The following CTNNA2 variants were observed in gnomAD, a reference collection of about 807,000 sequenced individuals.
CTNNA2 encodes the protein catenin alpha-2.
In CTNNA2, 42 loss-of-function variants were observed where a neutral mutation model predicts 101.0. The ratio of observed to expected loss-of-function variants is 0.42; its 90% confidence interval spans 0.32 to 0.54. The LOEUF (loss-of-function observed/expected upper bound fraction) is 0.54. Among genes scored for constraint, CTNNA2 ranks in the 20% least tolerant of loss-of-function variants. CTNNA2 has a pLI of 0.14. For missense variants in CTNNA2, 871 were observed against 1,223.1 expected (o/e 0.71, Z 4.29); for synonymous variants, 450 against 456.4 (o/e 0.99, Z 0.18).
chr2:80,256,860 C>G (rs1403692227), intron 7 of CTNNA2, among the ~76,000 whole-genome samples: 1 of 152,194 alleles, frequency 6.6e-6, no homozygotes, highest in African/African-American at 2.4e-5. Flanking sequence ...GAAGCAGCAA[C>G]TGAATGAATA....
At chr2:79,455,253 A>T (rs1274893266) in intron 4 of CTNNA2, among the ~76,000 whole-genome samples, 2 of 152,196 alleles carry the variant, frequency 1.3e-5, no homozygotes, top group African/African-American at 4.8e-5. Flanking sequence ...GGATGTTGGC[A>T]TAGTTTGGGA....
chr2:79,924,794 A>G (rs1686914779), intron 7 of CTNNA2, among the ~76,000 whole-genome samples: 1 of 152,080 alleles, frequency 6.6e-6, no homozygotes, highest in African/African-American at 2.4e-5. Context: ...ACTCTGTTGT[A>G]TTTGATTGTC....
At chr2:79,203,733 C>A (rs1674066585) in intron 2 of CTNNA2, among the ~76,000 whole-genome samples, 1 of 152,206 alleles carries the variant, frequency 6.6e-6, no homozygotes, top group South Asian at 2.1e-4. Context: ...TTTGTCAAAG[C>A]ATTAACCACT....
At chr2:80,572,918 C>T (rs1347968271) in intron 12 of CTNNA2, 1 of 152,210 alleles carries the variant, frequency 6.6e-6, no homozygotes, top group Non-Finnish European at 1.5e-5. Flanking sequence ...CTGTCTCCCC[C>T]TCCTTTTTTA....
At position 79,948,990 on chromosome 2, in the gene CTNNA2, A is replaced by AAAT. The variant is rs1462093405; in HGVS notation, c.1056+39195_1056+39196insTAA. ...CTCAAAAATAAATAAATAAATAAAT[A>AAAT]AAATAAATGGATAAATAAATAAATA... is the stretch of plus-strand genomic sequence containing the variant. On this transcript the variant is annotated intron_variant, in intron 7 of 18. Transcript: ENST00000402739. 4.8e-4 allele frequency among the ~76,000 whole-genome samples: 72 copies of AAAT among 150,742 alleles called. 1 individual carries two copies. The highest frequency in any genetic ancestry group is 1.2e-3 in the African/African-American group (48 of 41,248).
intron 3 of CTNNA2, among the ~76,000 whole-genome samples, chr2:79,815,826 T>C (rs1235879141): frequency 2.0e-5 from 3 of 152,128 alleles, no homozygotes. Flanking sequence ...GGGAATTGCA[T>C]TGAATTTGTA....
chr2:79,700,472 G>A (rs1684929855), intron 2 of CTNNA2, among the ~76,000 whole-genome samples: 1 of 152,090 alleles, frequency 6.6e-6, no homozygotes, highest in Non-Finnish European at 1.5e-5. Context: ...GCCATCTCCA[G>A]TCCCTTCTTC....
chr2:79,998,545 G>C (rs1289889411), intron 7 of CTNNA2, among the ~76,000 whole-genome samples: 1 of 152,178 alleles, frequency 6.6e-6, no homozygotes, highest in African/African-American at 2.4e-5. Flanking sequence ...TTATATGGCA[G>C]ACTTGGAGCC....
chr2:79,413,692 G>A (rs977640664), intron 4 of CTNNA2, among the ~76,000 whole-genome samples: 3 of 151,610 alleles, frequency 2.0e-5, no homozygotes, highest in African/African-American at 7.3e-5. Context: ...AGTGTGCAAG[G>A]GTTCCCTTAT....
At chr2:79,261,074 G>A (rs1479255603) in intron 2 of CTNNA2, among the ~76,000 whole-genome samples, 3 of 152,142 alleles carry the variant, frequency 2.0e-5, no homozygotes, top group African/African-American at 7.2e-5. Flanking sequence ...ACCCATCAAT[G>A]TAGATACAGA....
chr2:80,495,737 G>A (rs1323644792), intron 9 of CTNNA2, among the ~76,000 whole-genome samples: 3 of 151,970 alleles, frequency 2.0e-5, no homozygotes, highest in African/African-American at 7.2e-5. Flanking sequence ...TCAGGAGTTC[G>A]AGACCAGCCT....
intron 7 of CTNNA2, among the ~76,000 whole-genome samples, chr2:79,978,951 A>G (rs916075095): frequency 6.6e-6 from 1 of 152,190 alleles, no homozygotes; most frequent in African/African-American, 2.4e-5. Context: ...AGGTTAAGTC[A>G]TTTGCTCAAT....
chr2:79,988,462 GTGTA>G (rs1356868678), intron 7 of CTNNA2, among the ~76,000 whole-genome samples: 6 of 80,900 alleles, frequency 7.4e-5, no homozygotes, highest in East Asian at 2.8e-4. Context: ...TGAAGTGTAT[GTGTA>G]TGTGTGTGTG....
chr2:80,065,349 G>T (rs1386728174), intron 7 of CTNNA2, among the ~76,000 whole-genome samples: 1 of 145,196 alleles, frequency 6.9e-6, no homozygotes, highest in East Asian at 2.0e-4. Context: ...TCCATTCTTG[G>T]ACTTCTCCAT....
intron 7 of CTNNA2, among the ~76,000 whole-genome samples, chr2:80,359,502 C>G (rs996774393): frequency 6.6e-6 from 1 of 152,130 alleles, no homozygotes; most frequent in African/African-American, 2.4e-5. Context: ...AGCACCCCCC[C>G]TTTGGTGCTG....
intron 7 of CTNNA2, among the ~76,000 whole-genome samples, chr2:80,257,448 CTT>C (rs1478475350): frequency 1.3e-5 from 2 of 152,086 alleles, no homozygotes; most frequent in Non-Finnish European, 2.9e-5. Context: ...AGTAAAAGGA[CTT>C]TTGAAAATAT....
chr2:80,530,737 G>T (rs1206433730), intron 9 of CTNNA2, among the ~76,000 whole-genome samples: 1 of 152,206 alleles, frequency 6.6e-6, no homozygotes, highest in Non-Finnish European at 1.5e-5. Context: ...ATGAGCCTAA[G>T]ACAGCAGATA....
intron 4 of CTNNA2, among the ~76,000 whole-genome samples, chr2:79,449,074 ATTC>A (rs1249096644): frequency 2.0e-5 from 3 of 152,022 alleles, no homozygotes; most frequent in Non-Finnish European, 4.4e-5. Context: ...CCTGTGACTC[ATTC>A]TTCAGTGTTT....
chr2:80,598,624 A>G (rs991553026), intron 15 of CTNNA2, among the ~76,000 whole-genome samples: 8 of 152,188 alleles, frequency 5.3e-5, no homozygotes, highest in Non-Finnish European at 1.0e-4. Context: ...CACACTGGAA[A>G]CTACTCAAAT....
Sources: gnomAD v4.1 joint callset for allele counts (sites outside exome capture counted in the v4.1 genomes callset) on GRCh38, gnomAD v4.1.1 for gene constraint, MANE v1.5 for transcripts, NCBI Gene and HGNC (gene_info 2026-07-23, HGNC 2026-07-21) for gene names.